The following CD82 variants were observed in gnomAD, a reference collection of about 807,000 sequenced individuals.
The protein encoded by CD82 is CD82 molecule.
In CD82, 36 loss-of-function variants were observed where a neutral mutation model predicts 37.4. That is an observed-to-expected ratio of 0.96 (90% confidence interval 0.74 to 1.27). The LOEUF is 1.27. Ranked by LOEUF, CD82 falls within the 50% of genes most tolerant of loss-of-function variation. The pLI, the probability that CD82 is intolerant of heterozygous loss-of-function variation, is 0.00. For synonymous variants in CD82, 158 were observed against 137.4 expected, an observed-to-expected ratio of 1.15 and a Z score of -1.05; for missense variants, 340 against 347.0, an observed-to-expected ratio of 0.98 and a Z score of 0.16.
At chr11:44,568,243 G>A (rs1255323275) in intron 1 of CD82, among the ~76,000 whole-genome samples, 1 of 152,148 alleles carries the variant, frequency 6.6e-6, no homozygotes, top group African/African-American at 2.4e-5. Context: ...GGGTGGCTTT[G>A]GGGATGTCTG....
chr11:44,578,496 C>T (rs1266331166), intron 1 of CD82, among the ~76,000 whole-genome samples: 1 of 152,186 alleles, frequency 6.6e-6, no homozygotes, highest in Non-Finnish European at 1.5e-5. Flanking sequence ...CTCCATGTGG[C>T]CCAGGGCCTT....
intron 3 of CD82, 24 bp from the exon 4 acceptor site, chr11:44,600,134 T>A: frequency 6.2e-7 from 1 of 1,613,418 alleles, no homozygotes; most frequent in Non-Finnish European, 8.5e-7. Context: ...TGGCTCCCCA[T>A]TAACTGCTCC....
At chr11:44,577,366 C>G (rs1173408709) in intron 1 of CD82, among the ~76,000 whole-genome samples, 1 of 152,070 alleles carries the variant, frequency 6.6e-6, no homozygotes, top group East Asian at 1.9e-4. Context: ...TTCTTCTACA[C>G]CTGGCTCCAG....
upstream of CD82, among the ~76,000 whole-genome samples, chr11:44,565,430 G>C (rs1256765531): frequency 1.3e-5 from 2 of 151,868 alleles, no homozygotes; most frequent in Non-Finnish European, 2.9e-5. Context: ...GGATAGAGGA[G>C]AGACTCCGTA....
chr11:44,564,412 C>A (rs745677963), upstream of CD82: 65 of 454,750 alleles, frequency 1.4e-4, no homozygotes, highest in Non-Finnish European at 2.7e-4. Context: ...TCATACCCTC[C>A]CACAACGGTG....
chr11:44,602,161 G>A (rs1230554622), intron 4 of CD82, among the ~76,000 whole-genome samples: 1 of 152,186 alleles, frequency 6.6e-6, no homozygotes, highest in African/African-American at 2.4e-5. Flanking sequence ...TTGAACCCCT[G>A]GACCACATGG....
intron 2 of CD82, among the ~76,000 whole-genome samples, chr11:44,589,780 T>G (rs529485173): frequency 6.6e-6 from 1 of 152,344 alleles, no homozygotes; most frequent in South Asian, 2.1e-4. Flanking sequence ...CCCAGCTGGC[T>G]GTTTTCTTTC....
intron 2 of CD82, chr11:44,587,843 C>A (rs908520787): frequency 1.9e-5 from 6 of 323,986 alleles, no homozygotes; most frequent in Non-Finnish European, 3.7e-5. Flanking sequence ...GCCTGAGAAC[C>A]GTCTCTTCGG....
intron 1 of CD82, among the ~76,000 whole-genome samples, chr11:44,582,062 C>G (rs1297011208): frequency 6.6e-6 from 1 of 152,176 alleles, no homozygotes; most frequent in East Asian, 1.9e-4. Context: ...AGTAATGGCA[C>G]AAAGTCAGTA....
chr11:44,594,149 C>T (rs7129118), intron 2 of CD82, among the ~76,000 whole-genome samples: 30,660 of 152,112 alleles, frequency 0.2, 3,376 homozygotes, highest in East Asian at 0.3. Flanking sequence ...GAAGCTGGGA[C>T]GCTCAGCCTA....
intron 2 of CD82, chr11:44,587,956 C>A: frequency 4.3e-6 from 1 of 233,694 alleles, no homozygotes; most frequent in South Asian, 6.0e-5. Flanking sequence ...ATCCATCCAT[C>A]CACCTACCTA....
chr11:44,619,669 G>A lies in CD82; in HGVS notation c.*543G>A, dbSNP rs1224539826. 1 of 151,820 alleles carries A rather than the reference G, an allele frequency of 6.6e-6. No homozygotes were observed. The highest frequency in any genetic ancestry group is 2.4e-5 in the African/African-American group (1 of 40,968). 9.4% of individuals were successfully genotyped at this position (151,820 alleles called of 1,614,324 possible). The stretch of plus-strand genomic sequence containing the variant: ...AGTCCCAGCTACTTGGGAGGCTGAG[G>A]CAGGAGAATGGTGTGAACCCGGGAG... On this transcript the variant is annotated 3_prime_UTR_variant, in exon 10 of 10. Transcript: ENST00000227155.
chr11:44,584,340 G>T (rs544781087), intron 1 of CD82, among the ~76,000 whole-genome samples: 2 of 152,162 alleles, frequency 1.3e-5, no homozygotes, highest in East Asian at 3.8e-4. Context: ...AGGCTGGAGT[G>T]CAGTGGCAGG....
intron 2 of CD82, among the ~76,000 whole-genome samples, chr11:44,593,639 G>GAA (rs148598687): frequency 0.038 from 5,785 of 152,304 alleles, 146 homozygotes; most frequent in Middle Eastern, 0.11. Flanking sequence ...GGGAGACTGT[G>GAA]AAAACTTGGA....
intron 6 of CD82, among the ~76,000 whole-genome samples, chr11:44,608,642 A>G (rs3781755): frequency 0.027 from 4,064 of 152,316 alleles, 234 homozygotes; most frequent in East Asian, 0.26. Flanking sequence ...CTGAAATCCA[A>G]AGAAACACTT....
chr11:44,583,147 G>T (rs1339612171), intron 1 of CD82, among the ~76,000 whole-genome samples: 1 of 152,204 alleles, frequency 6.6e-6, no homozygotes, highest in Non-Finnish European at 1.5e-5. Context: ...GGGAGGGAGT[G>T]GGGGCTGTCT....
rs775933913 is a variant in CD82 at position 44,615,360 on chromosome 11, A to C, written c.425A>C (p.Tyr142Ser). The C allele has an allele frequency of 4.1e-5, 66 of 1,609,848 alleles. No homozygotes were observed. Among genetic ancestry groups the C allele is most frequent in the Non-Finnish European group, 5.4e-5 (63 of 1,176,302 alleles). Residue 142 changes from tyrosine (Y) to serine (S), a missense_variant, in exon 7 of 10, where the codon TAC becomes TCC. Transcript: ENST00000227155. ...REDSLQDAWD[Y>S]VQAQVKCCGW... ...GACAGCCTGCAGGATGCCTGGGACT[A>C]CGTGCAGGCTCAGGTGAGGTGGGGC...
intron 2 of CD82, among the ~76,000 whole-genome samples, chr11:44,593,060 C>G (rs1853168502): frequency 6.6e-6 from 1 of 152,214 alleles, no homozygotes; most frequent in Non-Finnish European, 1.5e-5. Flanking sequence ...GACTGGACCC[C>G]TTGGGAGGTC....
At chr11:44,583,217 A>T (rs1382762762) in intron 1 of CD82, among the ~76,000 whole-genome samples, 3 of 152,138 alleles carry the variant, frequency 2.0e-5, no homozygotes, top group Non-Finnish European at 1.5e-5. Context: ...TGTGGAAAGC[A>T]AGAGGTCAGA....
Sources: allele counts gnomAD v4.1 joint callset (sites outside exome capture counted in the v4.1 genomes callset), GRCh38; gene constraint gnomAD v4.1.1; transcripts MANE v1.5; gene names NCBI Gene and HGNC (gene_info 2026-07-23, HGNC 2026-07-21).